The following UBE2E2 variants were observed in gnomAD, a reference collection of about 807,000 sequenced individuals.
UBE2E2 encodes ubiquitin conjugating enzyme E2 E2, also known as ubiquitin-conjugating enzyme E2 E2.
In UBE2E2, 6 loss-of-function variants were observed where a neutral mutation model predicts 24.7. That is an observed-to-expected ratio of 0.24 (90% CI 0.13 to 0.48). The LOEUF (loss-of-function observed/expected upper bound fraction) is 0.48. Among genes scored for constraint, UBE2E2 ranks in the 20% least tolerant of loss-of-function variants. The pLI, the probability that UBE2E2 is intolerant of heterozygous loss-of-function variation, is 0.99. For missense variants in UBE2E2, 169 were observed against 245.0 expected, an observed-to-expected ratio of 0.69 and a Z score of 2.07; for synonymous variants, 104 against 83.6, an observed-to-expected ratio of 1.24 and a Z score of -1.33.
At chr3:23,276,061 T>TA (rs796335794) in intron 3 of UBE2E2, among the ~76,000 whole-genome samples, 4 of 152,036 alleles carry the variant, frequency 2.6e-5, no homozygotes, top group African/African-American at 9.7e-5. Flanking sequence ...CAAGCCTATT[T>TA]AAAAAAAATT....
intron 3 of UBE2E2, among the ~76,000 whole-genome samples, chr3:23,291,849 ATTT>A (rs57708620): frequency 2.3e-4 from 15 of 64,032 alleles, no homozygotes; most frequent in South Asian, 8.1e-4. Flanking sequence ...TGCCCGGCTA[ATTT>A]TTTTTTTTTT....
intron 5 of UBE2E2, among the ~76,000 whole-genome samples, chr3:23,567,780 T>TTA (rs1466983956): frequency 6.6e-6 from 1 of 152,216 alleles, no homozygotes; most frequent in Non-Finnish European, 1.5e-5. Context: ...AATCCATATA[T>TTA]TAAACAAATA....
intron 5 of UBE2E2, among the ~76,000 whole-genome samples, chr3:23,560,159 C>T (rs1471959526): frequency 1.3e-5 from 2 of 151,880 alleles, no homozygotes; most frequent in African/African-American, 2.4e-5. Flanking sequence ...GTGCTGCACC[C>T]GTTAACTCAT....
chr3:23,424,121 C>A (rs2125393999), intron 3 of UBE2E2, among the ~76,000 whole-genome samples: 1 of 152,226 alleles, frequency 6.6e-6, no homozygotes, highest in South Asian at 2.1e-4. Context: ...TTACTAAATT[C>A]CACAGTTATT....
intron 3 of UBE2E2, among the ~76,000 whole-genome samples, chr3:23,247,357 ATTT>A (rs201663345): frequency 2.2e-5 from 3 of 138,724 alleles, no homozygotes; most frequent in Non-Finnish European, 1.6e-5. Flanking sequence ...CTCTGAGTGT[ATTT>A]TTTTTTTTTT....
chr3:23,269,334 A>T lies in UBE2E2; in HGVS notation c.227+52022A>T, dbSNP rs576963006. ...AAAGGGCTAATATCCAGAATCTACA[A>T]TGAACTCAAAAAATTTACAAGAGAA... On this transcript the variant is annotated intron_variant, in intron 3 of 5. Coordinates refer to ENST00000396703, the MANE Select transcript of UBE2E2 (RefSeq NM_152653.4). 8.5e-5 allele frequency among the ~76,000 whole-genome samples: 13 copies of T among 152,342 alleles called. No homozygotes were observed. In the South Asian group the frequency reaches 2.7e-3, roughly 32 times the overall value.
intron 3 of UBE2E2, among the ~76,000 whole-genome samples, chr3:23,471,986 A>G (rs1575652232): frequency 6.6e-6 from 1 of 152,080 alleles, no homozygotes; most frequent in Non-Finnish European, 1.5e-5. Context: ...CCTTTATAAG[A>G]TAAAAGAATA....
chr3:23,304,973 T>A (rs1348089571), intron 3 of UBE2E2, among the ~76,000 whole-genome samples: 1 of 152,170 alleles, frequency 6.6e-6, no homozygotes, highest in African/African-American at 2.4e-5. Flanking sequence ...TCTGAAAGAT[T>A]ATGCAGACTT....
At chr3:23,373,998 A>T (rs1202365172) in intron 3 of UBE2E2, among the ~76,000 whole-genome samples, 5 of 152,194 alleles carry the variant, frequency 3.3e-5, no homozygotes, top group African/African-American at 1.2e-4. Flanking sequence ...TTTGTCAGGG[A>T]TTCTTGTTAC....
chr3:23,467,798 G>C (rs1698953964), intron 3 of UBE2E2, among the ~76,000 whole-genome samples: 1 of 152,160 alleles, frequency 6.6e-6, no homozygotes. Flanking sequence ...TTTGTGAGCT[G>C]TACAGGCTTC....
At chr3:23,415,579 G>A (rs2125385661) in intron 3 of UBE2E2, among the ~76,000 whole-genome samples, 1 of 152,224 alleles carries the variant, frequency 6.6e-6, no homozygotes, top group East Asian at 1.9e-4. Context: ...GTGGGTCGTG[G>A]AGAAAAATGT....
chr3:23,377,168 C>A (rs1372787269), intron 3 of UBE2E2, among the ~76,000 whole-genome samples: 1 of 152,172 alleles, frequency 6.6e-6, no homozygotes, highest in Non-Finnish European at 1.5e-5. Flanking sequence ...AGCTTACCAA[C>A]CTACAAGGAA....
At chr3:23,553,405 T>C (rs1406103107) in intron 5 of UBE2E2, among the ~76,000 whole-genome samples, 1 of 152,218 alleles carries the variant, frequency 6.6e-6, no homozygotes, top group African/African-American at 2.4e-5. Flanking sequence ...TTAATCTCTT[T>C]TAAGTTAATA....
At chr3:23,566,323 G>A (rs1696071393) in intron 5 of UBE2E2, among the ~76,000 whole-genome samples, 2 of 152,124 alleles carry the variant, frequency 1.3e-5, no homozygotes, top group South Asian at 4.2e-4. Flanking sequence ...TTGCCAGTGG[G>A]GATCTCATGG....
chr3:23,346,578 C>G (rs931263273), intron 3 of UBE2E2, among the ~76,000 whole-genome samples: 1 of 152,178 alleles, frequency 6.6e-6, no homozygotes, highest in African/African-American at 2.4e-5. Flanking sequence ...TCACTAAAGA[C>G]TGTGTAATGC....
chr3:23,336,802 A>G (rs2125306254), intron 3 of UBE2E2, among the ~76,000 whole-genome samples: 2 of 152,270 alleles, frequency 1.3e-5, no homozygotes, highest in East Asian at 1.9e-4. Context: ...TAAGCTCATT[A>G]TGTTAATCAG....
chr3:23,288,900 A>G (rs1698688455), intron 3 of UBE2E2, among the ~76,000 whole-genome samples: 1 of 152,196 alleles, frequency 6.6e-6, no homozygotes, highest in South Asian at 2.1e-4. Flanking sequence ...AAGAATACAT[A>G]TTCTCTCTTC....
chr3:23,519,465 G>T (rs1364755475), intron 4 of UBE2E2, among the ~76,000 whole-genome samples: 4 of 152,052 alleles, frequency 2.6e-5, no homozygotes, highest in African/African-American at 9.7e-5. Flanking sequence ...TGAGTATCAG[G>T]TTAGTTAACT....
intron 3 of UBE2E2, among the ~76,000 whole-genome samples, chr3:23,283,178 T>G (rs551166444): frequency 1.3e-5 from 2 of 152,272 alleles, no homozygotes; most frequent in South Asian, 2.1e-4. Context: ...TAGTAGGTGA[T>G]GTCCCAAAGT....
Sources: allele counts gnomAD v4.1 joint callset (sites outside exome capture counted in the v4.1 genomes callset), GRCh38; gene constraint gnomAD v4.1.1; transcripts MANE v1.5; gene names NCBI Gene and HGNC (gene_info 2026-07-23, HGNC 2026-07-21).